WWC2: variants seen among roughly 807,000 people sequenced by gnomAD.
The protein encoded by WWC2 is WW and C2 domain containing 2.
A neutral mutation model predicts 138.5 loss-of-function variants in WWC2; 101 were observed. The observed-to-expected ratio is 0.73, with a 90% CI of 0.62 to 0.86. The LOEUF is 0.86. Ranked by LOEUF, WWC2 falls within the 40% of genes least tolerant of loss-of-function variation. The pLI is 0.00. For missense variants in WWC2, 1,420 were observed against 1,419.4 expected, an observed-to-expected ratio of 1.00 and a Z score of -0.01; for synonymous variants, 558 against 538.4, an observed-to-expected ratio of 1.04 and a Z score of -0.50.
intron 1 of WWC2, among the ~76,000 whole-genome samples, chr4:183,164,745 G>C (rs1734085649): frequency 6.6e-6 from 1 of 152,058 alleles, no homozygotes; most frequent in African/African-American, 2.4e-5. Flanking sequence ...TTCTTGGGCA[G>C]CGCTTGACTT....
chr4:183,306,844 A>G (rs1443285847), intron 21 of WWC2, among the ~76,000 whole-genome samples: 1 of 143,138 alleles, frequency 7.0e-6, no homozygotes, highest in African/African-American at 2.6e-5. Flanking sequence ...CAATTCTTAG[A>G]CATCTATGTG....
chr4:183,118,135 G>A (rs573559883), intron 1 of WWC2, among the ~76,000 whole-genome samples: 6 of 152,240 alleles, frequency 3.9e-5, no homozygotes, highest in South Asian at 2.1e-4. Flanking sequence ...TCTTATAGTC[G>A]AGCCTCAGTC....
At chr4:183,270,987 C>A in intron 15 of WWC2, 93 bp from the exon 16 acceptor site, 1 of 1,162,346 alleles carries the variant, frequency 8.6e-7, no homozygotes, top group African/African-American at 1.6e-5. Flanking sequence ...CAAGCTCATT[C>A]AATAATCTTT....
At chr4:183,244,261 A>C (rs973441630) in intron 5 of WWC2, among the ~76,000 whole-genome samples, 4 of 152,156 alleles carry the variant, frequency 2.6e-5, no homozygotes, top group African/African-American at 9.7e-5. Context: ...GCTGGGGAGG[A>C]CCAGGAGAGT....
intron 4 of WWC2, among the ~76,000 whole-genome samples, chr4:183,223,769 T>C (rs1735991683): frequency 6.6e-6 from 1 of 152,110 alleles, no homozygotes; most frequent in Non-Finnish European, 1.5e-5. Context: ...CCAGAAGTCT[T>C]ACCCAGGCTG....
intron 16 of WWC2, among the ~76,000 whole-genome samples, chr4:183,278,985 A>C (rs1737965461): frequency 6.6e-6 from 1 of 151,606 alleles, no homozygotes; most frequent in South Asian, 2.1e-4. Flanking sequence ...TCTCCTGCCT[A>C]ATTGCCCTGG....
intron 16 of WWC2, among the ~76,000 whole-genome samples, chr4:183,276,969 TTTTTTA>T (rs1300335469): frequency 2.0e-5 from 3 of 150,130 alleles, no homozygotes; most frequent in Non-Finnish European, 4.4e-5. Flanking sequence ...GCATCATTTC[TTTTTTA>T]TTATTATTAT....
intron 1 of WWC2, among the ~76,000 whole-genome samples, chr4:183,166,867 G>A (rs1734144240): frequency 6.6e-6 from 1 of 152,180 alleles, no homozygotes. Context: ...TGTCCTGAGA[G>A]CTGAAGCTCT....
intron 4 of WWC2, among the ~76,000 whole-genome samples, chr4:183,230,913 G>A (rs548795906): frequency 1.3e-5 from 2 of 152,186 alleles, no homozygotes; most frequent in East Asian, 1.9e-4. Flanking sequence ...GACTAAATTC[G>A]TATTGAAATA....
rs570006103 is a variant in WWC2 at position 183,269,477 on chromosome 4, C to T, written c.2400+314C>T. 1.9e-4 allele frequency: 99 copies of T among 529,856 alleles called. 2 individuals are homozygous for T. In the East Asian group the frequency reaches 4.0e-3, roughly 22 times the overall value. The allele number at this position is 529,856 out of a possible 1,614,324, so 32.8% of individuals were successfully genotyped here. On this transcript the variant is annotated intron_variant, in intron 15 of 22. Coordinates refer to ENST00000403733, the MANE Select transcript of WWC2 (RefSeq NM_024949.6). ...GGAGTGTGCTTACCACTCCCAGTAC[C>T]AATGCCAAGCTTTGCGTGACTGCTG...
intron 4 of WWC2, among the ~76,000 whole-genome samples, chr4:183,216,483 A>G (rs1374196922): frequency 6.6e-6 from 1 of 152,218 alleles, no homozygotes; most frequent in Non-Finnish European, 1.5e-5. Flanking sequence ...GATCCAGCTT[A>G]CTTCTGTTTC....
At chr4:183,136,359 TTTGA>T (rs1267505923) in intron 1 of WWC2, among the ~76,000 whole-genome samples, 4 of 152,108 alleles carry the variant, frequency 2.6e-5, no homozygotes, top group East Asian at 3.8e-4. Flanking sequence ...AAATTCTGTC[TTTGA>T]TTGTGTCTAA....
intron 1 of WWC2, among the ~76,000 whole-genome samples, chr4:183,126,680 CTG>C (rs1221550869): frequency 1.3e-5 from 2 of 152,100 alleles, no homozygotes; most frequent in African/African-American, 4.8e-5. Context: ...AGAAGGAAAA[CTG>C]TGATTTGGAA....
At chr4:183,280,071 A>G (rs1738012909) in intron 16 of WWC2, among the ~76,000 whole-genome samples, 1 of 152,068 alleles carries the variant, frequency 6.6e-6, no homozygotes, top group African/African-American at 2.4e-5. Flanking sequence ...AATAACTGAT[A>G]TCTTCCTCCA....
At chr4:183,243,397 T>C (rs1456084914) in intron 5 of WWC2, among the ~76,000 whole-genome samples, 1 of 152,258 alleles carries the variant, frequency 6.6e-6, no homozygotes, top group African/African-American at 2.4e-5. Flanking sequence ...AATGCCAAAA[T>C]GCTATATTTG....
At chr4:183,174,022 T>G (rs921087981) in intron 1 of WWC2, among the ~76,000 whole-genome samples, 1 of 152,188 alleles carries the variant, frequency 6.6e-6, no homozygotes, top group South Asian at 2.1e-4. Context: ...TGGTCAGTTT[T>G]CCCAGGAAAA....
intron 21 of WWC2, among the ~76,000 whole-genome samples, chr4:183,302,845 C>G (rs1256058181): frequency 1.3e-5 from 2 of 152,094 alleles, no homozygotes; most frequent in African/African-American, 4.8e-5. Context: ...GGGTAGATCA[C>G]TTGAGGTCAG....
intron 18 of WWC2, among the ~76,000 whole-genome samples, chr4:183,283,726 A>G (rs1214749251): frequency 6.6e-6 from 1 of 152,232 alleles, no homozygotes; most frequent in Admixed American, 6.5e-5. Context: ...CACAACAGTT[A>G]TGTTTATACA....
intron 4 of WWC2, among the ~76,000 whole-genome samples, chr4:183,239,688 G>A (rs566648009): frequency 6.6e-6 from 1 of 152,252 alleles, no homozygotes; most frequent in South Asian, 2.1e-4. Context: ...CAGGGGCAGG[G>A]GGGCTAGAGA....
Sources: gnomAD v4.1 joint callset for allele counts (sites outside exome capture counted in the v4.1 genomes callset) on GRCh38, gnomAD v4.1.1 for gene constraint, MANE v1.5 for transcripts, NCBI Gene and HGNC (gene_info 2026-07-23, HGNC 2026-07-21) for gene names.